PCCA: variants seen among roughly 807,000 people sequenced by gnomAD.
The protein encoded by PCCA is propionyl-CoA carboxylase alpha chain, mitochondrial.
A neutral mutation model predicts 101.3 loss-of-function variants in PCCA; 74 were observed. The observed-to-expected ratio is 0.73, with a 90% confidence interval of 0.61 to 0.89. PCCA has a LOEUF of 0.89. PCCA is among the 40% of genes least tolerant of loss of function. The probability of loss-of-function intolerance (pLI) is 0.00; values close to 1 mark genes in which losing one functional copy is unlikely to be tolerated. For missense variants in PCCA, 891 were observed against 907.0 expected (o/e 0.98, Z 0.23); for synonymous variants, 294 against 313.6 (o/e 0.94, Z 0.66).
chr13:100,463,887 T>C (rs567001534), intron 21 of PCCA, among the ~76,000 whole-genome samples: 1 of 152,354 alleles, frequency 6.6e-6, no homozygotes, highest in African/African-American at 2.4e-5. Flanking sequence ...ACCTCAGTTA[T>C]GATTTCACAG....
At chr13:100,254,336 G>A (rs1315115108) in intron 8 of PCCA, among the ~76,000 whole-genome samples, 1 of 152,164 alleles carries the variant, frequency 6.6e-6, no homozygotes, top group African/African-American at 2.4e-5. Context: ...ACATATGTCA[G>A]CTGAAGAATA....
chr13:100,147,907 A>G (rs929130129), intron 4 of PCCA, among the ~76,000 whole-genome samples: 3 of 152,064 alleles, frequency 2.0e-5, no homozygotes, highest in African/African-American at 4.8e-5. Context: ...TCTGTATAAC[A>G]TAAAGTTTAC....
chr13:100,487,597 A>G (rs1351498724), intron 21 of PCCA, among the ~76,000 whole-genome samples: 2 of 152,218 alleles, frequency 1.3e-5, no homozygotes, highest in Non-Finnish European at 2.9e-5. Flanking sequence ...CCAAGATGGA[A>G]TATAGAATGC....
chr13:100,142,044 T>C (rs1381694737), intron 4 of PCCA, among the ~76,000 whole-genome samples: 1 of 151,204 alleles, frequency 6.6e-6, no homozygotes, highest in Non-Finnish European at 1.5e-5. Flanking sequence ...AAATTCATTT[T>C]TTCTGATCTT....
At chr13:100,420,428 T>C (rs552544935) in intron 19 of PCCA, among the ~76,000 whole-genome samples, 2 of 152,058 alleles carry the variant, frequency 1.3e-5, no homozygotes, top group East Asian at 1.9e-4. Context: ...TTAATAAATA[T>C]ATAAATCTGG....
intron 21 of PCCA, chr13:100,491,330 G>A (rs944796522): frequency 5.8e-6 from 1 of 171,326 alleles, no homozygotes; most frequent in South Asian, 1.2e-4. Flanking sequence ...GTGTGTGTGC[G>A]CAACTCAGCT....
intron 1 of PCCA, among the ~76,000 whole-genome samples, chr13:100,100,019 C>G (rs1313178259): frequency 6.6e-6 from 1 of 152,144 alleles, no homozygotes; most frequent in African/African-American, 2.4e-5. Flanking sequence ...AAGAAGGTGA[C>G]AGTTACATAT....
intron 8 of PCCA, among the ~76,000 whole-genome samples, chr13:100,250,541 A>G (rs1039703793): frequency 6.6e-6 from 1 of 151,766 alleles, no homozygotes; most frequent in Non-Finnish European, 1.5e-5. Flanking sequence ...TCTCCAAATC[A>G]TTTTACCTGT....
At chr13:100,401,027 A>G (rs945457389) in intron 19 of PCCA, among the ~76,000 whole-genome samples, 2 of 152,160 alleles carry the variant, frequency 1.3e-5, no homozygotes, top group Non-Finnish European at 2.9e-5. Flanking sequence ...GAATATGTTC[A>G]AAATACTGAT....
intron 6 of PCCA, among the ~76,000 whole-genome samples, chr13:100,190,619 G>C (rs1300949758): frequency 6.6e-6 from 1 of 152,162 alleles, no homozygotes; most frequent in Admixed American, 6.5e-5. Flanking sequence ...AGGCTGCAGT[G>C]AGCCGAGATT....
At chr13:100,185,679 C>T (rs1186746287) in intron 6 of PCCA, among the ~76,000 whole-genome samples, 4 of 142,792 alleles carry the variant, frequency 2.8e-5, no homozygotes, top group African/African-American at 1.0e-4. Flanking sequence ...CGGAGTTTTG[C>T]TCTTGTTGCC....
intron 20 of PCCA, among the ~76,000 whole-genome samples, chr13:100,427,472 A>G (rs1194902560): frequency 1.3e-5 from 2 of 152,216 alleles, no homozygotes; most frequent in Non-Finnish European, 2.9e-5. Context: ...TGTAGAATTT[A>G]TAGCTAGATT....
At chr13:100,346,752 A>T (rs2072290044) in intron 18 of PCCA, among the ~76,000 whole-genome samples, 1 of 152,200 alleles carries the variant, frequency 6.6e-6, no homozygotes, top group Non-Finnish European at 1.5e-5. Context: ...TTATTTTAAG[A>T]AACTGCCGCA....
At chr13:100,166,294 T>A (rs2152405243) in intron 6 of PCCA, among the ~76,000 whole-genome samples, 1 of 152,288 alleles carries the variant, frequency 6.6e-6, no homozygotes, top group East Asian at 1.9e-4. Context: ...TGTAATTGTG[T>A]CAGTACTTCA....
chr13:100,369,226 A>C (rs1472405633), intron 19 of PCCA, among the ~76,000 whole-genome samples: 1 of 152,198 alleles, frequency 6.6e-6, no homozygotes. Flanking sequence ...GCCTGAACTC[A>C]AGGAGGTTGC....
intron 16 of PCCA, among the ~76,000 whole-genome samples, chr13:100,320,555 AG>A (rs1353703100): frequency 1.3e-5 from 2 of 152,236 alleles, no homozygotes; most frequent in Non-Finnish European, 2.9e-5. Flanking sequence ...ATTTTGTCAA[AG>A]GCCTTTTCTG....
At chr13:100,467,661 C>T (rs190640601) in intron 21 of PCCA, among the ~76,000 whole-genome samples, 10 of 152,360 alleles carry the variant, frequency 6.6e-5, no homozygotes, top group South Asian at 2.1e-4. Flanking sequence ...TGAGCCACCG[C>T]GCCTGGCATC....
In PCCA at chr13:100,112,007, C is replaced by T. The variant is rs771912125; in HGVS notation, c.246C>T (p.Cys82=). 1 of 1,607,738 alleles carries T rather than the reference C, an allele frequency of 6.2e-7. No homozygotes were observed. The highest frequency in any genetic ancestry group is 8.5e-7 in the Non-Finnish European group (1 of 1,175,754). ...GEIACRVIRT[C]KKMGIKTVAI... ...TTTTAAAATAGGTTATTAGAACTTG[C>T]AAGAAGATGGGCATTAAGACAGTTG... Residue 82 remains cysteine, a synonymous_variant, in exon 4 of 24, where the codon TGC becomes TGT. Coordinates refer to ENST00000376285, the MANE Select transcript of PCCA (RefSeq NM_000282.4).
At chr13:100,340,343 T>C (rs536001661) in intron 18 of PCCA, 84 bp downstream of exon 18, 1 of 787,550 alleles carries the variant, frequency 1.3e-6, no homozygotes. Flanking sequence ...ATAAAAGATG[T>C]GGCTGATCTC....
Sources: gnomAD v4.1 joint callset for allele counts (sites outside exome capture counted in the v4.1 genomes callset) on GRCh38, gnomAD v4.1.1 for gene constraint, MANE v1.5 for transcripts, NCBI Gene and HGNC (gene_info 2026-07-23, HGNC 2026-07-21) for gene names.